Variants in SASH1 observed in about 807,000 individuals in gnomAD.
The protein encoded by SASH1 is SAM and SH3 domain-containing protein 1.
A neutral mutation model predicts 125.2 loss-of-function variants in SASH1; 44 were observed. The ratio of observed to expected loss-of-function variants is 0.35; its 90% CI spans 0.28 to 0.45. SASH1 has a LOEUF of 0.45. Ranked by LOEUF, SASH1 falls within the 20% of genes least tolerant of loss-of-function variation. The pLI is 1.00. For missense variants in SASH1, 1,426 were observed against 1,614.5 expected (o/e 0.88, Z 2.00); for synonymous variants, 639 against 649.1 (o/e 0.98, Z 0.24).
chr6:148,194,085 T>A, the SASH1 span, among the ~76,000 whole-genome samples: 1 of 152,254 alleles, frequency 6.6e-6, no homozygotes, highest in African/African-American at 2.4e-5. Context: ...TGTCTAAGAC[T>A]AACCTTTGTG....
At chr6:148,304,668 G>C (rs1780074901) in intron 1 of SASH1, among the ~76,000 whole-genome samples, 1 of 151,894 alleles carries the variant, frequency 6.6e-6, no homozygotes, top group Non-Finnish European at 1.5e-5. Context: ...AAAAAGAGAA[G>C]AAAAAGAACT....
chr6:148,343,015 G>T lies in SASH1; in HGVS notation c.-53G>T. The T allele has an allele frequency of 8.8e-7, 1 of 1,140,268 alleles. No homozygotes were observed. Among genetic ancestry groups the T allele is most frequent in the Non-Finnish European group, 1.1e-6 (1 of 930,278 alleles). 70.6% of individuals were successfully genotyped at this position (1,140,268 alleles called of 1,614,324 possible). On this transcript the variant is annotated 5_prime_UTR_variant, in exon 1 of 20. Transcript: ENST00000367467. The stretch of plus-strand genomic sequence containing the variant: ...TCCGGGCAGGCTGCGCGCGGGTGCG[G>T]GGCGAGGGCGCCGCGGGGACTGGGA...
intron 1 of SASH1, among the ~76,000 whole-genome samples, chr6:148,333,488 A>G (rs1781053510): frequency 6.6e-6 from 1 of 152,108 alleles, no homozygotes; most frequent in Admixed American, 6.6e-5. Flanking sequence ...ATTTGTAACA[A>G]ATTCCTTGGT....
intron 1 of SASH1, among the ~76,000 whole-genome samples, chr6:148,358,185 A>G (rs2114693030): frequency 6.6e-6 from 1 of 152,258 alleles, no homozygotes; most frequent in South Asian, 2.1e-4. Context: ...ACCTGCAGAC[A>G]GACTTGCAGA....
chr6:148,257,205 G>C, the SASH1 span, among the ~76,000 whole-genome samples: 1 of 152,126 alleles, frequency 6.6e-6, no homozygotes, highest in Non-Finnish European at 1.5e-5. Flanking sequence ...CACATATAAG[G>C]AAGAGTCCAG....
Position 148,399,152 on chromosome 6 carries a change from A to G in SASH1, c.285+8890A>G, listed in dbSNP as rs1314776527. ...AACCACCGGGTTGGCTGTGTTGTGC[A>G]TGACAGTCTAAGAGTAGAGAGAGCT... On this transcript the variant is annotated intron_variant, in intron 2 of 19. Transcript: ENST00000367467. Among the ~76,000 whole-genome samples the G allele has an allele frequency of 3.3e-5, 5 of 151,350 alleles. No individual in the cohort carries two copies. The South Asian group carries it at 1.0e-3, about 32-fold the overall frequency.
intron 1 of SASH1, among the ~76,000 whole-genome samples, chr6:148,349,181 T>C (rs1781618561): frequency 6.6e-6 from 1 of 151,458 alleles, no homozygotes; most frequent in Non-Finnish European, 1.5e-5. Context: ...AAAGAGGCCA[T>C]TGGGCATGGG....
intron 4 of SASH1, among the ~76,000 whole-genome samples, chr6:148,459,021 CA>C (rs1777491899): frequency 2.7e-5 from 4 of 147,746 alleles, no homozygotes; most frequent in African/African-American, 5.0e-5. Context: ...CACACACACA[CA>C]CCCTCTAGCA....
chr6:148,235,743 T>C, the SASH1 span, among the ~76,000 whole-genome samples: 1 of 152,176 alleles, frequency 6.6e-6, no homozygotes, highest in Non-Finnish European at 1.5e-5. Flanking sequence ...GTTGGAGAAG[T>C]CTTGCGAGTT....
chr6:148,223,157 T>C, the SASH1 span, among the ~76,000 whole-genome samples: 1 of 107,880 alleles, frequency 9.3e-6, no homozygotes, highest in African/African-American at 3.8e-5. Flanking sequence ...GATAAGAGCC[T>C]AGACAGAGAG....
rs1782786440 is a variant in SASH1 at position 148,549,773 on chromosome 6, T to C, written c.*1215T>C. On this transcript the variant is annotated 3_prime_UTR_variant, in exon 20 of 20. Transcript: ENST00000367467. ...CATTAGCCATGTGTTAAGTATTTGC[T>C]ACTTTAAATTGTTTTACAACTGATT... is the stretch of plus-strand genomic sequence containing the variant. 2.6e-6 allele frequency: 1 copy of C among 389,616 alleles called. No individual in the cohort carries two copies. Among genetic ancestry groups the C allele is most frequent in the Admixed American group, 4.5e-5 (1 of 22,416 alleles). The allele number at this position is 389,616 out of a possible 1,614,324, so 24.1% of individuals were successfully genotyped here.
chr6:148,238,845 G>A, the SASH1 span, among the ~76,000 whole-genome samples: 16 of 152,030 alleles, frequency 1.1e-4, no homozygotes, highest in Non-Finnish European at 1.9e-4. Context: ...CTCCATTCCC[G>A]GTGAGTTGGG....
chr6:148,524,997 T>G, intron 10 of SASH1: 1 of 356,044 alleles, frequency 2.8e-6, no homozygotes, highest in Non-Finnish European at 5.3e-6. Flanking sequence ...CATGGAGGGT[T>G]TTTCTTTTGT....
the SASH1 span, among the ~76,000 whole-genome samples, chr6:148,258,460 G>T: frequency 6.6e-6 from 1 of 152,228 alleles, no homozygotes; most frequent in African/African-American, 2.4e-5. Flanking sequence ...CCAATTTACA[G>T]ATGTGAAACT....
At chr6:148,468,695 C>A in intron 5 of SASH1, 110 bp downstream of exon 5, 1 of 695,236 alleles carries the variant, frequency 1.4e-6, no homozygotes, top group Admixed American at 3.1e-5. Context: ...CAGAAATAAA[C>A]ACTGTTAAGA....
the SASH1 span, among the ~76,000 whole-genome samples, chr6:148,238,830 C>CCAG: frequency 6.6e-6 from 1 of 152,150 alleles, no homozygotes; most frequent in Non-Finnish European, 1.5e-5. Flanking sequence ...TGCTACTCAC[C>CCAG]CAGCCTCCAT....
intron 8 of SASH1, among the ~76,000 whole-genome samples, chr6:148,510,433 T>G (rs1780047322): frequency 6.6e-6 from 1 of 152,216 alleles, no homozygotes; most frequent in African/African-American, 2.4e-5. Flanking sequence ...GAGGCCACAC[T>G]ATCTCATGTT....
At chr6:148,290,989 A>G (rs1779618427) in intron 1 of SASH1, among the ~76,000 whole-genome samples, 1 of 140,538 alleles carries the variant, frequency 7.1e-6, no homozygotes, top group South Asian at 2.3e-4. Context: ...GCATTCTTCC[A>G]CTTTATCTTG....
intron 2 of SASH1, among the ~76,000 whole-genome samples, chr6:148,426,775 T>A (rs555119610): frequency 2.2e-4 from 34 of 152,310 alleles, no homozygotes; most frequent in Admixed American, 2.1e-3. Flanking sequence ...AATGAGCTTA[T>A]GTAGTGCTTC....
Sources: gnomAD v4.1 joint callset for allele counts (sites outside exome capture counted in the v4.1 genomes callset) on GRCh38, gnomAD v4.1.1 for gene constraint, MANE v1.5 for transcripts, NCBI Gene and HGNC (gene_info 2026-07-23, HGNC 2026-07-21) for gene names.